TNFSF4: variants seen among roughly 807,000 people sequenced by gnomAD.
The protein encoded by TNFSF4 is tumor necrosis factor ligand superfamily member 4.
A neutral mutation model predicts 7.3 loss-of-function variants in TNFSF4; 4 were observed. The observed-to-expected ratio is 0.55, with a 90% CI of 0.27 to 1.25. TNFSF4 has a LOEUF of 1.25. Among genes scored for constraint, TNFSF4 ranks in the 50% most tolerant of loss-of-function variants. The probability of loss-of-function intolerance (pLI) is 0.12; values close to 1 mark genes in which losing one functional copy is unlikely to be tolerated. For synonymous variants in TNFSF4, 76 were observed against 83.7 expected (o/e 0.91, Z 0.50); for missense variants, 181 against 208.8 (o/e 0.87, Z 0.82).
the TNFSF4 span, among the ~76,000 whole-genome samples, chr1:173,217,777 C>T: frequency 2.0e-5 from 3 of 152,162 alleles, no homozygotes; most frequent in African/African-American, 7.2e-5. Flanking sequence ...TTTTCTGAGA[C>T]AAGGTCTCAC....
chr1:173,274,480 T>C, the TNFSF4 span, among the ~76,000 whole-genome samples: 1 of 152,120 alleles, frequency 6.6e-6, no homozygotes, highest in Non-Finnish European at 1.5e-5. Context: ...CTTTCCAAGA[T>C]TGTAGTAACC....
the TNFSF4 span, among the ~76,000 whole-genome samples, chr1:173,390,937 G>C: frequency 6.6e-6 from 1 of 151,280 alleles, no homozygotes; most frequent in South Asian, 2.1e-4. Context: ...GTAGAGACAG[G>C]GTTTCACCAT....
At chr1:173,179,844 C>A (rs1175994990), downstream of TNFSF4, among the ~76,000 whole-genome samples, 1 of 152,160 alleles carries the variant, frequency 6.6e-6, no homozygotes, top group Non-Finnish European at 1.5e-5. Flanking sequence ...AAGCTAATAA[C>A]CATTCGCCTT....
chr1:173,282,488 C>T, the TNFSF4 span, among the ~76,000 whole-genome samples: 14 of 151,048 alleles, frequency 9.3e-5, no homozygotes, highest in African/African-American at 7.3e-5. Flanking sequence ...AGACAGAGTC[C>T]CACTCTGTTG....
chr1:173,341,114 T>C, the TNFSF4 span, among the ~76,000 whole-genome samples: 1 of 152,194 alleles, frequency 6.6e-6, no homozygotes, highest in South Asian at 2.1e-4. Context: ...CTGCCATGAT[T>C]GTAAGTTTCC....
the TNFSF4 span, among the ~76,000 whole-genome samples, chr1:173,400,842 C>T: frequency 5.9e-5 from 9 of 152,278 alleles, no homozygotes; most frequent in African/African-American, 2.2e-4. Context: ...GGTCACTTCA[C>T]CAGGAAAAGA....
the TNFSF4 span, among the ~76,000 whole-genome samples, chr1:173,230,628 A>G: frequency 2.1e-4 from 32 of 152,340 alleles, 1 homozygote; most frequent in South Asian, 6.2e-3. Context: ...AAAAAAATCA[A>G]TGAATCTAGG....
At chr1:173,363,011 C>A in the TNFSF4 span, 3 of 385,066 alleles carry the variant, frequency 7.8e-6, no homozygotes, top group South Asian at 7.5e-5. Flanking sequence ...TGCGGACTTG[C>A]CTTATCTTCA....
the TNFSF4 span, among the ~76,000 whole-genome samples, chr1:173,235,321 G>C: frequency 7.9e-5 from 12 of 152,118 alleles, no homozygotes; most frequent in African/African-American, 2.9e-4. Context: ...GAAAAAAGGG[G>C]GACCTTTCAA....
chr1:173,218,065 C>T, the TNFSF4 span, among the ~76,000 whole-genome samples: 1 of 152,040 alleles, frequency 6.6e-6, no homozygotes, highest in Non-Finnish European at 1.5e-5. Flanking sequence ...TTTGAATTAC[C>T]TTGTGATATT....
the TNFSF4 span, among the ~76,000 whole-genome samples, chr1:173,443,359 T>C: frequency 6.6e-6 from 1 of 152,152 alleles, no homozygotes; most frequent in Non-Finnish European, 1.5e-5. Context: ...TAGATAATGG[T>C]TAAATAAATT....
chr1:173,385,858 A>G, the TNFSF4 span, among the ~76,000 whole-genome samples: 2 of 152,174 alleles, frequency 1.3e-5, no homozygotes, highest in Admixed American at 1.3e-4. Context: ...AGAAAAAAAA[A>G]AGAATTTATC....
the TNFSF4 span, among the ~76,000 whole-genome samples, chr1:173,392,147 C>T: frequency 2.0e-5 from 3 of 152,190 alleles, no homozygotes; most frequent in African/African-American, 7.2e-5. Flanking sequence ...AGTCGAAAGG[C>T]CTGCACTCTA....
At chr1:173,370,418 G>C in the TNFSF4 span, among the ~76,000 whole-genome samples, 1 of 152,264 alleles carries the variant, frequency 6.6e-6, no homozygotes, top group East Asian at 1.9e-4. Context: ...ATATCATTGC[G>C]ACTGGAGTCA....
chr1:173,306,562 T>A, the TNFSF4 span, among the ~76,000 whole-genome samples: 2 of 151,964 alleles, frequency 1.3e-5, no homozygotes, highest in Non-Finnish European at 2.9e-5. Context: ...AGTGGTTTTG[T>A]GGCTTTTTCA....
chr1:173,220,145 A>T, the TNFSF4 span, among the ~76,000 whole-genome samples: 1 of 152,296 alleles, frequency 6.6e-6, no homozygotes, highest in Admixed American at 6.5e-5. Context: ...AAACTCAGCA[A>T]CCTTCAAATA....
the TNFSF4 span, among the ~76,000 whole-genome samples, chr1:173,428,740 C>G: frequency 4.8e-3 from 727 of 152,302 alleles, 5 homozygotes; most frequent in South Asian, 0.015. Context: ...AGCAGTGGCT[C>G]ATGCCTGTAA....
the TNFSF4 span, among the ~76,000 whole-genome samples, chr1:173,329,990 A>G: frequency 2.6e-5 from 4 of 152,326 alleles, no homozygotes; most frequent in African/African-American, 9.6e-5. Flanking sequence ...TTCTTCGGTC[A>G]TATTTGTGTA....
At chr1:173,326,799 C>T in the TNFSF4 span, among the ~76,000 whole-genome samples, 2 of 152,076 alleles carry the variant, frequency 1.3e-5, no homozygotes, top group Non-Finnish European at 2.9e-5. Flanking sequence ...ACCTAGGAAT[C>T]CAACTTACAA....
Sources: allele counts gnomAD v4.1 joint callset (sites outside exome capture counted in the v4.1 genomes callset), GRCh38; gene constraint gnomAD v4.1.1; transcripts MANE v1.5; gene names NCBI Gene and HGNC (gene_info 2026-07-23, HGNC 2026-07-21).